Variants in CWF19L2 observed in about 807,000 individuals in gnomAD.
CWF19L2 encodes CWF19 like cell cycle control factor 2.
In CWF19L2, 98 loss-of-function variants were observed where a neutral mutation model predicts 111.7. The ratio of observed to expected loss-of-function variants is 0.88; its 90% CI spans 0.75 to 1.04. The LOEUF (loss-of-function observed/expected upper bound fraction) is 1.04. CWF19L2 is among the 50% of genes least tolerant of loss of function. CWF19L2 has a pLI of 0.00. For missense variants in CWF19L2, 1,101 were observed against 1,051.4 expected, an observed-to-expected ratio of 1.05 and a Z score of -0.65; for synonymous variants, 351 against 342.9, an observed-to-expected ratio of 1.02 and a Z score of -0.26.
chr11:107,391,535 T>C (rs1261817302), intron 11 of CWF19L2, among the ~76,000 whole-genome samples: 1 of 152,210 alleles, frequency 6.6e-6, no homozygotes, highest in Non-Finnish European at 1.5e-5. Flanking sequence ...CCTTGTTCTG[T>C]AAACAGCTTT....
intron 12 of CWF19L2, among the ~76,000 whole-genome samples, chr11:107,354,628 G>T (rs1396969046): frequency 6.6e-6 from 1 of 152,056 alleles, no homozygotes; most frequent in Admixed American, 6.5e-5. Context: ...TAGCCCTAAG[G>T]TAACTGTATA....
intron 16 of CWF19L2, among the ~76,000 whole-genome samples, chr11:107,331,643 G>A (rs189884326): frequency 2.1e-3 from 323 of 152,276 alleles, no homozygotes; most frequent in African/African-American, 7.0e-3. Flanking sequence ...TTGTACTTGC[G>A]ATCACCAGAT....
chr11:107,394,676 T>C (rs1860897091), intron 10 of CWF19L2, among the ~76,000 whole-genome samples: 1 of 152,138 alleles, frequency 6.6e-6, no homozygotes, highest in African/African-American at 2.4e-5. Flanking sequence ...TATAAGCTTA[T>C]GGCCTAGTGG....
At chr11:107,375,486 T>C (rs1860584469) in intron 12 of CWF19L2, among the ~76,000 whole-genome samples, 1 of 137,998 alleles carries the variant, frequency 7.2e-6, no homozygotes, top group Non-Finnish European at 1.6e-5. Context: ...ACCGCTCAAC[T>C]ACATGGAAAC....
At chr11:107,391,455 T>G (rs1222177404) in intron 11 of CWF19L2, among the ~76,000 whole-genome samples, 1 of 152,190 alleles carries the variant, frequency 6.6e-6, no homozygotes, top group Non-Finnish European at 1.5e-5. Context: ...GAAATAAATT[T>G]CTATTGTTTA....
chr11:107,437,910 T>C (rs2135417561), intron 6 of CWF19L2, among the ~76,000 whole-genome samples: 1 of 152,292 alleles, frequency 6.6e-6, no homozygotes, highest in East Asian at 1.9e-4. Context: ...AACTTATTGT[T>C]CCCTAAACTA....
intron 8 of CWF19L2, among the ~76,000 whole-genome samples, chr11:107,420,957 TC>T (rs2135401666): frequency 6.6e-6 from 1 of 151,844 alleles, no homozygotes; most frequent in African/African-American, 2.4e-5. Context: ...CAAATGGACA[TC>T]CATAGAACAC....
At chr11:107,442,774 GGAAGGA>G (rs1861640495) in intron 4 of CWF19L2, among the ~76,000 whole-genome samples, 159 bp downstream of exon 4, 1 of 49,586 alleles carries the variant, frequency 2.0e-5, no homozygotes, top group South Asian at 7.3e-4. Context: ...AAGGAAGGAA[GGAAGGA>G]AGGAAGGAAG....
intron 12 of CWF19L2, among the ~76,000 whole-genome samples, chr11:107,357,093 G>C (rs539004867): frequency 8.0e-5 from 12 of 150,606 alleles, no homozygotes; most frequent in Admixed American, 6.6e-4. Context: ...GAGACTAACA[G>C]AAACTAAGTA....
chr11:107,402,873 G>GTGTGTGTGTATATATATATATATATATA (rs1247886311), intron 10 of CWF19L2, among the ~76,000 whole-genome samples: 1 of 94,468 alleles, frequency 1.1e-5, no homozygotes, highest in Non-Finnish European at 2.0e-5. Context: ...ACTGTGGTGT[G>GTGTGTGTGTATATATATATATATATATA]TATATATATA....
intron 3 of CWF19L2, among the ~76,000 whole-genome samples, chr11:107,451,238 A>C (rs1467759071): frequency 6.6e-6 from 1 of 152,164 alleles, no homozygotes; most frequent in African/African-American, 2.4e-5. Flanking sequence ...TATATCCATG[A>C]GTAAGAAAAA....
intron 8 of CWF19L2, among the ~76,000 whole-genome samples, chr11:107,421,414 T>C (rs937185091): frequency 6.6e-6 from 1 of 151,712 alleles, no homozygotes; most frequent in African/African-American, 2.4e-5. Flanking sequence ...GTAAAATAAA[T>C]AGAAAATAGA....
At chr11:107,386,993 G>A (rs543490664) in intron 12 of CWF19L2, among the ~76,000 whole-genome samples, 40 of 151,682 alleles carry the variant, frequency 2.6e-4, no homozygotes, top group Non-Finnish European at 5.0e-4. Context: ...GGCGGAGGTT[G>A]CAATGAGTTG....
At position 107,403,283 on chromosome 11, in the gene CWF19L2, A is replaced by C. The variant is rs1158839297; in HGVS notation, c.1618-10388T>G. 4 of 444,010 alleles carry C rather than the reference A, an allele frequency of 9.0e-6. No homozygotes were observed. In the East Asian group the frequency reaches 1.7e-4, roughly 19 times the overall value. The allele number at this position is 444,010 out of a possible 1,614,324, so 27.5% of individuals were successfully genotyped here. A position where few individuals can be genotyped will look rare whatever the true frequency, so the allele number is the denominator to read the frequency against. On this transcript the variant is annotated intron_variant, in intron 10 of 17. Coordinates refer to ENST00000282251, the MANE Select transcript of CWF19L2 (RefSeq NM_152434.3). ...AAAACTGTATTTATCTGCAAAAGAC[A>C]CTTCAGAGTCCAGTCATTCTAAATT...
intron 12 of CWF19L2, among the ~76,000 whole-genome samples, chr11:107,368,734 A>T (rs1173713525): frequency 7.2e-6 from 1 of 138,448 alleles, no homozygotes; most frequent in Non-Finnish European, 1.6e-5. Context: ...CATTTCTTTT[A>T]TAGTCATTTT....
intron 9 of CWF19L2, 99 bp downstream of exon 9, chr11:107,418,095 C>T: frequency 1.3e-6 from 1 of 765,996 alleles, no homozygotes. Context: ...GTTATTTTCA[C>T]AGTGTGCTAT....
At chr11:107,413,834 G>A (rs1262622724) in intron 10 of CWF19L2, among the ~76,000 whole-genome samples, 1 of 152,146 alleles carries the variant, frequency 6.6e-6, no homozygotes, top group Non-Finnish European at 1.5e-5. Flanking sequence ...TAGGGAAGTT[G>A]ACATTCTCAT....
chr11:107,415,834 G>C (rs181545895), intron 10 of CWF19L2, among the ~76,000 whole-genome samples: 1 of 152,030 alleles, frequency 6.6e-6, no homozygotes, highest in African/African-American at 2.4e-5. Context: ...ACAGTAACTC[G>C]CATCTGTAAT....
At chr11:107,342,337 C>T (rs1322897656) in intron 14 of CWF19L2, among the ~76,000 whole-genome samples, 1 of 151,146 alleles carries the variant, frequency 6.6e-6, no homozygotes, top group African/African-American at 2.4e-5. Context: ...TTTAATTTAA[C>T]ATGTTGTAAT....
Sources: allele counts gnomAD v4.1 joint callset (sites outside exome capture counted in the v4.1 genomes callset), GRCh38; gene constraint gnomAD v4.1.1; transcripts MANE v1.5; gene names NCBI Gene and HGNC (gene_info 2026-07-23, HGNC 2026-07-21).